Variants in MOB3B observed in about 807,000 individuals in gnomAD.
MOB3B encodes MOB kinase activator-like 2B.
In MOB3B, 7 loss-of-function variants were observed where a neutral mutation model predicts 18.7. The ratio of observed to expected loss-of-function variants is 0.37; its 90% CI spans 0.21 to 0.70. The LOEUF (loss-of-function observed/expected upper bound fraction) is 0.70, where lower values mean the gene tolerates loss of function less well. Among genes scored for constraint, MOB3B ranks in the 30% least tolerant of loss-of-function variants. MOB3B has a pLI of 0.52. For missense variants in MOB3B, 253 were observed against 281.3 expected (o/e 0.90, Z 0.72); for synonymous variants, 111 against 99.9 (o/e 1.11, Z -0.66).
At chr9:27,365,920 A>G (rs1037524912) in intron 2 of MOB3B, among the ~76,000 whole-genome samples, 12 of 152,242 alleles carry the variant, frequency 7.9e-5, no homozygotes, top group African/African-American at 2.9e-4. Context: ...GCGCCGAGGC[A>G]ACATGCCTAA....
At chr9:27,330,685 T>C in intron 3 of MOB3B, 69 bp from the exon 4 acceptor site, 4 of 1,603,946 alleles carry the variant, frequency 2.5e-6, no homozygotes, top group Non-Finnish European at 3.4e-6. Context: ...TGAAGGATCC[T>C]GAAAATGCTC....
At chr9:27,365,586 T>C (rs1185279746) in intron 2 of MOB3B, among the ~76,000 whole-genome samples, 1 of 152,114 alleles carries the variant, frequency 6.6e-6, no homozygotes, top group Non-Finnish European at 1.5e-5. Flanking sequence ...TAGAAAACAA[T>C]CTTTGATTAC....
intron 1 of MOB3B, among the ~76,000 whole-genome samples, chr9:27,511,162 A>G (rs1587268936): frequency 6.6e-6 from 1 of 151,572 alleles, no homozygotes. Flanking sequence ...CAAAAAAGCT[A>G]TTTTTGAGAG....
chr9:27,432,291 T>C (rs559290603), intron 2 of MOB3B, among the ~76,000 whole-genome samples: 1 of 152,324 alleles, frequency 6.6e-6, no homozygotes, highest in South Asian at 2.1e-4. Context: ...TGAATTTCTT[T>C]CCCTGTGTTG....
chr9:27,455,255 C>A lies in MOB3B; in HGVS notation c.296G>T (p.Arg99Leu), dbSNP rs756949269. The A allele has an allele frequency of 3.1e-6, 5 of 1,613,922 alleles. No individual in the cohort carries two copies. The highest frequency in any genetic ancestry group is 4.2e-6 in the Non-Finnish European group (5 of 1,179,972). ...CTTATACTTGAGATCATCCTGCCAC[C>A]GATACTCATATTTGGGGCCCCCTGA... ...VMSGGPKYEYRWQDDLKYKKP... is the reference protein window; with the variant it reads ...VMSGGPKYEYLWQDDLKYKKP... The change falls in exon 2 of 4, where the codon CGG becomes CTG. Residue 99 changes from arginine to leucine, a missense_variant. Transcript: ENST00000262244.
intron 1 of MOB3B, among the ~76,000 whole-genome samples, chr9:27,478,972 T>C (rs1055251488): frequency 6.6e-6 from 1 of 152,020 alleles, no homozygotes; most frequent in Admixed American, 6.6e-5. Context: ...TCATCAATAA[T>C]ACAGAGGCCA....
intron 2 of MOB3B, among the ~76,000 whole-genome samples, chr9:27,380,819 A>G (rs1676244875): frequency 6.6e-6 from 1 of 152,094 alleles, no homozygotes; most frequent in Non-Finnish European, 1.5e-5. Context: ...AGATTAGTTA[A>G]AACTTATAAA....
At chr9:27,416,680 T>G (rs1822154894) in intron 2 of MOB3B, among the ~76,000 whole-genome samples, 1 of 150,148 alleles carries the variant, frequency 6.7e-6, no homozygotes, top group Admixed American at 6.7e-5. Context: ...ACAGGCATGA[T>G]GTACCACCAT....
intron 1 of MOB3B, among the ~76,000 whole-genome samples, chr9:27,472,297 C>T (rs896288650): frequency 3.3e-5 from 5 of 151,170 alleles, no homozygotes; most frequent in African/African-American, 1.2e-4. Context: ...AAAAAAAAGG[C>T]TTTAAAAGTC....
At chr9:27,517,553 C>T (rs557091286) in intron 1 of MOB3B, among the ~76,000 whole-genome samples, 22 of 139,736 alleles carry the variant, frequency 1.6e-4, no homozygotes, top group African/African-American at 5.6e-4. Context: ...GAGGCTGAGG[C>T]AGGAGAATTG....
Position 27,489,021 on chromosome 9 carries a change from C to A in MOB3B, c.-198-33273G>T, listed in dbSNP as rs540870921. Among the ~76,000 whole-genome samples, 4 of 152,218 alleles carry A rather than the reference C, an allele frequency of 2.6e-5. No individual in the cohort carries two copies. The South Asian group carries it at 8.3e-4, about 32-fold the overall frequency. Reference sequence around the variant, plus strand: ...TGATGTTTCAAGTGATAATATCTAGCGGGGATTTTAGATAATCATGGCTCC... The same window carrying A: ...TGATGTTTCAAGTGATAATATCTAGAGGGGATTTTAGATAATCATGGCTCC... On this transcript the variant is annotated intron_variant, in intron 1 of 3. Coordinates refer to ENST00000262244, the MANE Select transcript of MOB3B (RefSeq NM_024761.5).
At chr9:27,435,893 A>G (rs1831457) in intron 2 of MOB3B, among the ~76,000 whole-genome samples, 148,164 of 152,302 alleles carry the variant, frequency 0.97, 72,194 homozygotes, top group East Asian at 1. Flanking sequence ...GAGCCACCAT[A>G]CCCAGCCAAG....
At chr9:27,444,748 T>C (rs1390337818) in intron 2 of MOB3B, among the ~76,000 whole-genome samples, 1 of 152,224 alleles carries the variant, frequency 6.6e-6, no homozygotes, top group Non-Finnish European at 1.5e-5. Flanking sequence ...AAGAAATTTA[T>C]CTCAGTTTCC....
At chr9:27,458,284 T>C (rs1167578576) in intron 1 of MOB3B, among the ~76,000 whole-genome samples, 3 of 152,046 alleles carry the variant, frequency 2.0e-5, no homozygotes, top group African/African-American at 7.2e-5. Context: ...ATGGACACCA[T>C]TGTGGAAACC....
chr9:27,498,306 C>G lies in MOB3B; in HGVS notation c.-199+31249G>C, dbSNP rs148232382. Among the ~76,000 whole-genome samples the G allele has an allele frequency of 9.3e-4, 142 of 152,310 alleles. 4 individuals carry two copies. In the East Asian group the frequency reaches 0.023, roughly 24 times the overall value. On this transcript the variant is annotated intron_variant, in intron 1 of 3. Transcript: ENST00000262244. ...CAATCACAGCGTTTTCCAAGCTACT[C>G]CCCAACCTACTGTGAGGTACAAGGG...
chr9:27,359,366 A>AGT lies in MOB3B; in HGVS notation c.419-132_419-131dup, dbSNP rs1388650814. ...GGCACCCGTCACAGGAGTCATAGGG[A>AGT]GTGTGTGTGTGTGGGGGGGGGGGGT... On this transcript the variant is annotated intron_variant, in intron 2 of 3. Transcript: ENST00000262244. 302 of 362,880 alleles carry AGT rather than the reference A, an allele frequency of 8.3e-4. 2 individuals are homozygous for AGT. Among genetic ancestry groups the AGT allele is most frequent in the Non-Finnish European group, 1.1e-3 (207 of 195,010 alleles). 22.5% of individuals were successfully genotyped at this position (362,880 alleles called of 1,614,324 possible).
intron 3 of MOB3B, among the ~76,000 whole-genome samples, chr9:27,335,596 A>G (rs1342546891): frequency 2.6e-5 from 4 of 152,090 alleles, no homozygotes; most frequent in Non-Finnish European, 5.9e-5. Context: ...GACTCTTCTC[A>G]GGCACTCAAC....
intron 2 of MOB3B, among the ~76,000 whole-genome samples, chr9:27,414,363 C>T (rs1279381126): frequency 6.6e-6 from 1 of 152,194 alleles, no homozygotes; most frequent in Non-Finnish European, 1.5e-5. Flanking sequence ...CAGCTGTGAA[C>T]CCGGGGGGCT....
At chr9:27,520,803 G>A (rs1820312487) in intron 1 of MOB3B, among the ~76,000 whole-genome samples, 1 of 152,236 alleles carries the variant, frequency 6.6e-6, no homozygotes, top group South Asian at 2.1e-4. Flanking sequence ...GAGCTCTGCT[G>A]TGAGAGGTCA....
Sources: allele counts gnomAD v4.1 joint callset (sites outside exome capture counted in the v4.1 genomes callset), GRCh38; gene constraint gnomAD v4.1.1; transcripts MANE v1.5; gene names NCBI Gene and HGNC (gene_info 2026-07-23, HGNC 2026-07-21).